Variants in UFL1 observed in about 807,000 individuals in gnomAD.
UFL1 encodes E3 UFM1-protein ligase 1.
Under a neutral mutation model 99.3 loss-of-function variants are expected in UFL1, and 78 were observed. The ratio of observed to expected loss-of-function variants is 0.79; its 90% CI spans 0.65 to 0.95. UFL1 has a LOEUF of 0.95. Ranked by LOEUF, UFL1 falls within the 40% of genes least tolerant of loss-of-function variation. The probability of loss-of-function intolerance (pLI) is 0.00; values close to 1 mark genes in which losing one functional copy is unlikely to be tolerated. For synonymous variants in UFL1, 335 were observed against 322.2 expected (o/e 1.04, Z -0.42); for missense variants, 936 against 937.0 (o/e 1.00, Z 0.01).
Position 96,526,374 on chromosome 6 carries a change from G to A in UFL1, c.404G>A (p.Gly135Asp). 2 of 1,613,602 alleles carry A rather than the reference G, an allele frequency of 1.2e-6. No individual in the cohort carries two copies. The highest frequency in any genetic ancestry group is 1.7e-6 in the Non-Finnish European group (2 of 1,179,772). ...GTCAATGATAAATTGCAAGAAAGTG[G>A]TCAGGTCACCATATCAGAACTGTGT... ...EEVNDKLQES[G>D]QVTISELCKT... Residue 135 changes from glycine to aspartate, a missense_variant, in exon 5 of 19, where the codon GGT (glycine) becomes GAT (aspartate). Physicochemically the swap from Gly to Asp is moderately conservative, Grantham distance 94 (BLOSUM62 -1). Transcript: ENST00000369278.
At chr6:96,531,013 G>A (rs1769774980) in intron 6 of UFL1, among the ~76,000 whole-genome samples, 1 of 152,234 alleles carries the variant, frequency 6.6e-6, no homozygotes, top group Admixed American at 6.5e-5. Flanking sequence ...CCTCCTGTCA[G>A]ATCAGTGGCG....
At chr6:96,522,996 G>A in intron 1 of UFL1, 150 bp from the exon 2 acceptor site, 1 of 629,432 alleles carries the variant, frequency 1.6e-6, no homozygotes, top group Non-Finnish European at 2.5e-6. Flanking sequence ...TTAACTTATT[G>A]AATCAGTTAG....
chr6:96,533,386 T>C (rs940678137), intron 6 of UFL1, among the ~76,000 whole-genome samples: 1 of 151,968 alleles, frequency 6.6e-6, no homozygotes, highest in African/African-American at 2.4e-5. Flanking sequence ...ATAAACAAAA[T>C]GTGGTATATT....
At position 96,548,259 on chromosome 6, in the gene UFL1, G is replaced by C. The variant is rs1418091313; in HGVS notation, c.1498G>C (p.Glu500Gln). The part of the protein sequence containing the change: ...IQDAPEEFIS[E>Q]LAEYLIKPLN... ...AGATGCCCCTGAGGAGTTTATTTCGGAACTTGCTGAGTACTTAATAAAGCA... is the reference window on the plus strand; with the variant it reads ...AGATGCCCCTGAGGAGTTTATTTCGCAACTTGCTGAGTACTTAATAAAGCA... Residue 500 changes from glutamate (E) to glutamine (Q), a missense_variant, in exon 13 of 19, where the codon GAA (glutamate) becomes CAA (glutamine). Coordinates refer to ENST00000369278, the MANE Select transcript of UFL1 (RefSeq NM_015323.5). 6.3e-7 allele frequency: 1 copy of C among 1,598,312 alleles called. No homozygotes were observed. The highest frequency in any genetic ancestry group is 8.5e-7 in the Non-Finnish European group (1 of 1,172,736).
Position 96,523,157 on chromosome 6 carries a change from G to C in UFL1, c.89G>C (p.Arg30Pro), listed in dbSNP as rs373192906. The change falls in exon 2 of 19, where the codon CGG (arginine) becomes CCG (proline). Residue 30 changes from arginine (R) to proline (P), a missense_variant. Arg to Pro is a moderately radical substitution (Grantham distance 103). Coordinates refer to ENST00000369278, the MANE Select transcript of UFL1 (RefSeq NM_015323.5). ...TTTCTTTCCCTCAGGTTGTCCGAGCGGAACTGCATTGAGATTGTTAATAAA... is the reference window on the plus strand; with the variant it reads ...TTTCTTTCCCTCAGGTTGTCCGAGCCGAACTGCATTGAGATTGTTAATAAA... ...FAEATQRLSERNCIEIVNKLI... is the reference protein window; with the variant it reads ...FAEATQRLSEPNCIEIVNKLI... 2 of 1,604,382 alleles carry C rather than the reference G, an allele frequency of 1.2e-6. No homozygotes were observed. The highest frequency in any genetic ancestry group is 1.7e-6 in the Non-Finnish European group (2 of 1,175,920).
chr6:96,553,600 C>A lies in UFL1; in HGVS notation c.*97C>A. Reference sequence around the variant, plus strand: ...TAGTCACTATACAACTCCCCTCTCCCTGCAAAAACCACCTCATACACACAC... The same window carrying A: ...TAGTCACTATACAACTCCCCTCTCCATGCAAAAACCACCTCATACACACAC... On this transcript the variant is annotated 3_prime_UTR_variant, in exon 19 of 19. Coordinates refer to ENST00000369278, the MANE Select transcript of UFL1 (RefSeq NM_015323.5). The A allele has an allele frequency of 2.3e-6, 2 of 884,046 alleles. No homozygotes were observed. The highest frequency in any genetic ancestry group is 3.5e-6 in the Non-Finnish European group (2 of 578,944). 54.8% of individuals were successfully genotyped at this position (884,046 alleles called of 1,614,324 possible).
chr6:96,552,346 A>T (rs1770093128), intron 17 of UFL1, 136 bp from the exon 18 acceptor site: 1 of 932,510 alleles, frequency 1.1e-6, no homozygotes, highest in Admixed American at 3.3e-5. Context: ...TATATCCCAT[A>T]TTGAAAAGTT....
intron 12 of UFL1, among the ~76,000 whole-genome samples, chr6:96,547,812 G>C (rs543530632): frequency 1.3e-5 from 2 of 151,272 alleles, no homozygotes; most frequent in Non-Finnish European, 3.0e-5. Flanking sequence ...GGAAGTTGGG[G>C]GGGGGCGGTA....
At chr6:96,553,227 T>C (rs1770106918) in intron 18 of UFL1, 58 bp from the exon 19 acceptor site, 2 of 1,521,312 alleles carry the variant, frequency 1.3e-6, no homozygotes, top group African/African-American at 1.4e-5. Context: ...AAATTCTACT[T>C]TATCTGTTCC....
chr6:96,522,675 G>C (rs577833251), intron 1 of UFL1, among the ~76,000 whole-genome samples: 5 of 152,280 alleles, frequency 3.3e-5, no homozygotes, highest in Admixed American at 2.0e-4. Flanking sequence ...ACTAACGTGG[G>C]TAAAAGTTAT....
At position 96,554,985 on chromosome 6, in the gene UFL1, A is replaced by G. The variant is rs1007487986; in HGVS notation, c.*1482A>G. On this transcript the variant is annotated 3_prime_UTR_variant, in exon 19 of 19. Transcript: ENST00000369278. ...ATCATTTATGTTTCAGTAGATATCA[A>G]AGTAATCCATGTTTGTGTCAAATGA... The G allele has an allele frequency of 5.2e-5, 8 of 152,598 alleles. No homozygotes were observed. Among genetic ancestry groups the G allele is most frequent in the African/African-American group, 1.4e-4 (6 of 41,456 alleles). 9.5% of individuals were successfully genotyped at this position (152,598 alleles called of 1,614,324 possible). A position where few individuals can be genotyped will look rare whatever the true frequency, so the allele number is the denominator to read the frequency against.
At chr6:96,534,356 C>G in intron 7 of UFL1, 35 bp downstream of exon 7, 1 of 1,414,708 alleles carries the variant, frequency 7.1e-7, no homozygotes, top group Non-Finnish European at 9.6e-7. Context: ...ACTTAATTAG[C>G]TGCTGAATAG....
rs1355137684 is a variant in UFL1, at chr6:96,548,214, T to G, written c.1453T>G (p.Phe485Val). The change falls in exon 13 of 19, where the codon TTT becomes GTT. Residue 485 changes from phenylalanine (F) to valine (V), a missense_variant. Physicochemically the swap from Phe to Val is conservative, Grantham distance 50. Coordinates refer to ENST00000369278, the MANE Select transcript of UFL1 (RefSeq NM_015323.5). Reference sequence around the variant, plus strand: ...TATGTTCCAGGATGAGATTGAAGATTTTTTAAGAAAACACATACAAGATGC... The same window carrying G: ...TATGTTCCAGGATGAGATTGAAGATGTTTTAAGAAAACACATACAAGATGC... ...SFMFQDEIED[F>V]LRKHIQDAPE... 6.2e-7 allele frequency: 1 copy of G among 1,608,092 alleles called. No individual in the cohort carries two copies. The highest frequency in any genetic ancestry group is 1.7e-5 in the Admixed American group (1 of 59,276).
chr6:96,536,323 C>T lies in UFL1; in HGVS notation c.735C>T (p.Val245=). The change falls in exon 8 of 19, where the codon GTC becomes GTT. Residue 245 remains valine, a synonymous_variant. Transcript: ENST00000369278. ...GGAGACAGGATAAAGCTGTGTTTGT[C>T]CCTGACATCTACTCCAGGACACAGA... The part of the protein sequence containing the change: ...VGGRQDKAVF[V]PDIYSRTQST... The T allele has an allele frequency of 6.2e-7, 1 of 1,611,588 alleles. No individual in the cohort carries two copies. The highest frequency in any genetic ancestry group is 8.5e-7 in the Non-Finnish European group (1 of 1,178,344).
chr6:96,551,192 C>G (rs987455011), intron 15 of UFL1, among the ~76,000 whole-genome samples: 2 of 151,860 alleles, frequency 1.3e-5, no homozygotes, highest in African/African-American at 4.8e-5. Flanking sequence ...ACAAGGTCAA[C>G]GACTCTCTCT....
intron 12 of UFL1, among the ~76,000 whole-genome samples, chr6:96,544,856 T>C (rs1341857164): frequency 3.3e-5 from 5 of 151,026 alleles, no homozygotes; most frequent in African/African-American, 4.8e-5. Flanking sequence ...CTTTTGTGAA[T>C]AGATTATTAT....
rs1770052435 is a variant in UFL1 at position 96,549,803 on chromosome 6, T to G, written c.1818+4T>G. 6.2e-7 allele frequency: 1 copy of G among 1,611,026 alleles called. No homozygotes were observed. Among genetic ancestry groups the G allele is most frequent in the South Asian group, 1.1e-5 (1 of 90,918 alleles). ...TCCTGCAGCCATTACAAGTGAAGTA[T>G]GTTAATGATCTCCCTACCACTATTG... On this transcript the variant is annotated splice_donor_region_variant and intron_variant, in intron 15 of 18. Coordinates refer to ENST00000369278, the MANE Select transcript of UFL1 (RefSeq NM_015323.5).
chr6:96,553,109 T>G (rs1376861657), intron 18 of UFL1, among the ~76,000 whole-genome samples, 176 bp from the exon 19 acceptor site: 1 of 152,074 alleles, frequency 6.6e-6, no homozygotes, highest in African/African-American at 2.4e-5. Context: ...ATGTTTTATC[T>G]CTCCTAAATT....
intron 5 of UFL1, among the ~76,000 whole-genome samples, chr6:96,526,742 A>G (rs1477717133): frequency 6.6e-6 from 1 of 152,220 alleles, no homozygotes; most frequent in Non-Finnish European, 1.5e-5. Context: ...GCATGGATTT[A>G]TTTAATGCTT....
Sources: allele counts gnomAD v4.1 joint callset (sites outside exome capture counted in the v4.1 genomes callset), GRCh38; gene constraint gnomAD v4.1.1; transcripts MANE v1.5; gene names NCBI Gene and HGNC (gene_info 2026-07-23, HGNC 2026-07-21).